The following HMCN1 variants were observed in gnomAD, a reference collection of about 807,000 sequenced individuals.
HMCN1 encodes the protein hemicentin-1.
In HMCN1, 321 loss-of-function variants were observed where a neutral mutation model predicts 625.9. That is an observed-to-expected ratio of 0.51 (90% CI 0.47 to 0.56). HMCN1 has a LOEUF of 0.56. HMCN1 is among the 20% of genes least tolerant of loss of function. The pLI, the probability that HMCN1 is intolerant of heterozygous loss-of-function variation, is 0.00. For missense variants in HMCN1, 6,588 were observed against 6,887.3 expected (o/e 0.96, Z 1.54); for synonymous variants, 2,425 against 2,417.6 (o/e 1.00, Z -0.09).
chr1:185,837,966 C>T (rs899665793), intron 1 of HMCN1, among the ~76,000 whole-genome samples: 4 of 152,140 alleles, frequency 2.6e-5, no homozygotes, highest in South Asian at 2.1e-4. Context: ...AAAACTCTTG[C>T]TAGTAAATTA....
In HMCN1 at chr1:185,832,886, G is replaced by A. The variant is rs185709497; in HGVS notation, c.269-13140G>A. On this transcript the variant is annotated intron_variant, in intron 1 of 106. Transcript: ENST00000271588. ...AAATCTAATTTACTTAATTTATAAA[G>A]AGCTTCTACAAATTGGCACAAAATA... Among the ~76,000 whole-genome samples, 500 of 152,274 alleles carry A rather than the reference G, an allele frequency of 3.3e-3. 1 individual carries two copies. The highest frequency in any genetic ancestry group is 0.011 in the African/African-American group (477 of 41,566).
rs1171147770 is a variant in HMCN1, at chr1:185,797,994, A to G, written c.269-48032A>G. On this transcript the variant is annotated intron_variant, in intron 1 of 106. Coordinates refer to ENST00000271588, the MANE Select transcript of HMCN1 (RefSeq NM_031935.3). ...AAAAAAAAAAAAAAAAAAAAAAAAAAAAGACTTGTTTTATACTTTTATGTT... is the reference window on the plus strand; with the variant it reads ...AAAAAAAAAAAAAAAAAAAAAAAAAGAAGACTTGTTTTATACTTTTATGTT... 1.6e-5 allele frequency among the ~76,000 whole-genome samples: 2 copies of G among 126,926 alleles called. 1 individual carries two copies. The highest frequency in any genetic ancestry group is 1.0e-4 in the African/African-American group (2 of 19,466). 83.3% of individuals were successfully genotyped at this position (126,926 alleles called of 152,430 possible). A position where few individuals can be genotyped will look rare whatever the true frequency, so the allele number is the denominator to read the frequency against.
In HMCN1 at chr1:186,130,511, TC is replaced by T. The variant is rs770685910; in HGVS notation, c.13046del (p.Pro4349GlnfsTer21). Reference sequence around the variant, plus strand: ...CTGTCTTATGTTGTTTTCCAGAACCTCCAGTCTTCAAAGGTGATTATCCTTC... The same window carrying T: ...CTGTCTTATGTTGTTTTCCAGAACCTCAGTCTTCAAAGGTGATTATCCTTC... ...AIGFVYVKEP[P>X]VFKGDYPSNW... On this transcript the variant is annotated frameshift_variant, in exon 85 of 107. Transcript: ENST00000271588. LOFTEE classifies it high-confidence loss of function. The T allele has an allele frequency of 6.2e-7, 1 of 1,613,200 alleles. No individual in the cohort carries two copies. The highest frequency in any genetic ancestry group is 8.5e-7 in the Non-Finnish European group (1 of 1,179,324).
intron 64 of HMCN1, among the ~76,000 whole-genome samples, chr1:186,091,338 T>C (rs1329876032): frequency 6.6e-6 from 1 of 152,016 alleles, no homozygotes; most frequent in Non-Finnish European, 1.5e-5. Flanking sequence ...TTTTGTATGC[T>C]GAAACCACCA....
chr1:186,171,956 G>A (rs1333920573), intron 101 of HMCN1, 50 bp from the exon 102 acceptor site: 1 of 1,572,924 alleles, frequency 6.4e-7, no homozygotes, highest in South Asian at 1.1e-5. Flanking sequence ...CTCTGGAAAA[G>A]TTGAATAAAT....
intron 2 of HMCN1, among the ~76,000 whole-genome samples, chr1:185,855,661 G>A (rs558736446): frequency 6.6e-6 from 1 of 152,198 alleles, no homozygotes; most frequent in Non-Finnish European, 1.5e-5. Flanking sequence ...GTCCCCTGAA[G>A]ACCCACCTAA....
Position 186,136,746 on chromosome 1 carries a change from C to A in HMCN1, c.13391C>A (p.Thr4464Asn). The change falls in exon 87 of 107, where the codon ACT becomes AAT. Residue 4464 changes from threonine (T) to asparagine (N), a missense_variant. Transcript: ENST00000271588. ...AAAATCATATTGAATTGTCAGGCAA[C>A]TGGAGAGCCTCAACCAACCATTACA... is the stretch of plus-strand genomic sequence containing the variant. Reference protein sequence around the residue: ...GGKIILNCQATGEPQPTITWS... With the variant: ...GGKIILNCQANGEPQPTITWS... 1 of 1,614,004 alleles carries A rather than the reference C, an allele frequency of 6.2e-7. No individual in the cohort carries two copies.
chr1:185,967,674 T>C (rs1427150197), intron 14 of HMCN1, among the ~76,000 whole-genome samples: 1 of 151,156 alleles, frequency 6.6e-6, no homozygotes, highest in East Asian at 2.0e-4. Flanking sequence ...CAAACTGGCC[T>C]CAAAATGGAG....
At chr1:185,951,024 T>A (rs896801739) in intron 11 of HMCN1, among the ~76,000 whole-genome samples, 4 of 151,430 alleles carry the variant, frequency 2.6e-5, no homozygotes, top group African/African-American at 7.3e-5. Flanking sequence ...TTTTAAAGCG[T>A]GCTGCGGGAT....
chr1:186,152,892 G>A (rs1274243121), intron 96 of HMCN1, 21 bp downstream of exon 96: 1 of 1,613,130 alleles, frequency 6.2e-7, no homozygotes, highest in East Asian at 2.2e-5. Context: ...AGGATAACTT[G>A]TCTTTGCTGC....
chr1:185,877,679 C>G (rs568117211), intron 4 of HMCN1, among the ~76,000 whole-genome samples: 1 of 151,850 alleles, frequency 6.6e-6, no homozygotes, highest in East Asian at 1.9e-4. Flanking sequence ...AATATTTCAC[C>G]TCCTTGGTTA....
At chr1:186,042,515 T>C (rs892597657) in intron 40 of HMCN1, among the ~76,000 whole-genome samples, 3 of 152,166 alleles carry the variant, frequency 2.0e-5, no homozygotes, top group Non-Finnish European at 4.4e-5. Flanking sequence ...AAAGAGTTGA[T>C]ATTTTCCAGG....
At chr1:186,049,305 T>C (rs1387390814) in intron 42 of HMCN1, among the ~76,000 whole-genome samples, 2 of 152,128 alleles carry the variant, frequency 1.3e-5, no homozygotes, top group East Asian at 3.9e-4. Context: ...TTACCATTTG[T>C]TACTAATTAA....
In HMCN1 at chr1:185,816,674, GC is replaced by G. The variant is rs1252100532; in HGVS notation, c.269-29348del. ...GCAGAGAAAATGACTCAGAACTAAT[GC>G]CCCAATGTGGGGGCTGAGGCATTTA... On this transcript the variant is annotated intron_variant, in intron 1 of 106. Coordinates refer to ENST00000271588, the MANE Select transcript of HMCN1 (RefSeq NM_031935.3). 2.0e-5 allele frequency among the ~76,000 whole-genome samples: 3 copies of G among 152,298 alleles called. No homozygotes were observed. The East Asian group carries it at 5.8e-4, about 29-fold the overall frequency.
chr1:185,759,880 T>C (rs1257433996), intron 1 of HMCN1, among the ~76,000 whole-genome samples: 2 of 152,204 alleles, frequency 1.3e-5, no homozygotes, highest in Non-Finnish European at 2.9e-5. Flanking sequence ...ACATAAGTAA[T>C]AAAGCACAGA....
At chr1:185,827,509 A>G (rs1172839210) in intron 1 of HMCN1, among the ~76,000 whole-genome samples, 4 of 152,116 alleles carry the variant, frequency 2.6e-5, no homozygotes, top group African/African-American at 9.7e-5. Context: ...AAGAATAAAC[A>G]CTGCTGAAAT....
intron 4 of HMCN1, among the ~76,000 whole-genome samples, chr1:185,874,065 GA>G (rs1356258038): frequency 6.6e-6 from 1 of 151,546 alleles, no homozygotes; most frequent in African/African-American, 2.4e-5. Flanking sequence ...TAAACCTTTG[GA>G]AAAAACATAT....
intron 4 of HMCN1, among the ~76,000 whole-genome samples, chr1:185,905,310 T>C (rs1666034030): frequency 6.6e-6 from 1 of 151,752 alleles, no homozygotes; most frequent in Non-Finnish European, 1.5e-5. Context: ...ATCTTCTATA[T>C]TTCATGTACT....
chr1:185,803,205 C>CAAAAAAAAA, intron 1 of HMCN1, among the ~76,000 whole-genome samples: 30 of 58,750 alleles, frequency 5.1e-4, no homozygotes, highest in Non-Finnish European at 1.0e-3. Flanking sequence ...AAAAAAAAAG[C>CAAAAAAAAA]AAAAAAAAAA....
Sources: gnomAD v4.1 joint callset for allele counts (sites outside exome capture counted in the v4.1 genomes callset) on GRCh38, gnomAD v4.1.1 for gene constraint, MANE v1.5 for transcripts, NCBI Gene and HGNC (gene_info 2026-07-23, HGNC 2026-07-21) for gene names.